Variants in MBP observed in about 807,000 individuals in gnomAD.
The protein encoded by MBP is myelin basic protein.
In MBP, 16 loss-of-function variants were observed where a neutral mutation model predicts 35.8. The observed-to-expected ratio is 0.45, with a 90% CI of 0.30 to 0.68. The LOEUF is 0.68. Among genes scored for constraint, MBP ranks in the 30% least tolerant of loss-of-function variants. MBP has a pLI of 0.08. For missense variants in MBP, 380 were observed against 404.7 expected, an observed-to-expected ratio of 0.94 and a Z score of 0.52; for synonymous variants, 143 against 159.6, an observed-to-expected ratio of 0.90 and a Z score of 0.78.
chr18:77,113,225 A>C (rs960082016), intron 1 of MBP: 1 of 152,344 alleles, frequency 6.6e-6, no homozygotes, highest in African/African-American at 2.4e-5. Flanking sequence ...AGAGGCATGC[A>C]GCACTGTGCC....
At chr18:77,132,346 C>T (rs1977311921) in intron 1 of MBP, among the ~76,000 whole-genome samples, 2 of 152,120 alleles carry the variant, frequency 1.3e-5, no homozygotes, top group African/African-American at 2.4e-5. Context: ...AGGGAGGCCG[C>T]CGGCTGCTAC....
intron 1 of MBP, 41 bp downstream of exon 1, chr18:77,132,539 A>T (rs925845064): frequency 6.6e-6 from 1 of 152,024 alleles, no homozygotes; most frequent in Non-Finnish European, 1.5e-5. Flanking sequence ...CACAGAGACA[A>T]AGGCGGCAGA....
chr18:77,131,909 C>G lies in MBP; in HGVS notation c.-26+671G>C, dbSNP rs1266795812. ...CAGCGACGGGCCCGGCCGAAGAGCC[C>G]GAGACAGGCCCTGCGAAGGCGGAAG... On this transcript the variant is annotated intron_variant, in intron 1 of 8. Transcript: ENST00000355994. The surrounding 1 kb of genome is among the most constrained non-coding windows in gnomAD (Gnocchi z 5.5). Among the ~76,000 whole-genome samples, 1 of 152,060 alleles carries G rather than the reference C, an allele frequency of 6.6e-6. No individual in the cohort carries two copies. Among genetic ancestry groups the G allele is most frequent in the Non-Finnish European group, 1.5e-5 (1 of 67,974 alleles).
intron 1 of MBP, among the ~76,000 whole-genome samples, chr18:77,120,698 T>C (rs1048530078): frequency 6.6e-6 from 1 of 152,154 alleles, no homozygotes; most frequent in Non-Finnish European, 1.5e-5. Flanking sequence ...GGGGAAATAT[T>C]GGGATTCGGA....
At chr18:77,091,426 C>T (rs1327198530) in intron 2 of MBP, among the ~76,000 whole-genome samples, 1 of 152,090 alleles carries the variant, frequency 6.6e-6, no homozygotes, top group Non-Finnish European at 1.5e-5. Flanking sequence ...ATGATAATTA[C>T]ATTTTAAAAT....
intron 3 of MBP, among the ~76,000 whole-genome samples, chr18:77,041,873 AC>A (rs1417411076): frequency 6.6e-6 from 1 of 151,802 alleles, no homozygotes; most frequent in Admixed American, 6.6e-5. Flanking sequence ...GCACATGTAT[AC>A]ATATGTAACA....
At chr18:77,100,539 G>GT (rs1187310009) in intron 2 of MBP, among the ~76,000 whole-genome samples, 4,529 of 64,090 alleles carry the variant, frequency 0.071, 169 homozygotes, top group South Asian at 0.21. Context: ...GTGTGTGTGT[G>GT]TGTGTGTTTT....
intron 1 of MBP, among the ~76,000 whole-genome samples, chr18:77,130,352 GC>G (rs930268852): frequency 2.0e-5 from 3 of 150,780 alleles, no homozygotes; most frequent in Non-Finnish European, 4.4e-5. Context: ...CTTCTTGTGT[GC>G]CCTTAGAGTA....
At chr18:77,118,851 CCA>C (rs923361250) in intron 1 of MBP, among the ~76,000 whole-genome samples, 6 of 151,138 alleles carry the variant, frequency 4.0e-5, no homozygotes, top group South Asian at 2.1e-4. Flanking sequence ...CAGACACACA[CCA>C]CACACACACT....
intron 7 of MBP, chr18:76,986,870 T>C (rs1448870622): frequency 6.1e-6 from 6 of 985,322 alleles, no homozygotes; most frequent in Non-Finnish European, 7.2e-6. Flanking sequence ...TTTCCAATCC[T>C]TAGTCATGTT....
rs866845263 is a variant in MBP, at chr18:76,993,574, G to T, written c.577-3514C>A. Among the ~76,000 whole-genome samples the T allele has an allele frequency of 2.8e-5, 4 of 144,598 alleles. No homozygotes were observed. In the East Asian group the frequency reaches 6.2e-4, roughly 22 times the overall value. 94.9% of individuals were successfully genotyped at this position (144,598 alleles called of 152,430 possible). On this transcript the variant is annotated intron_variant, in intron 4 of 8. Transcript: ENST00000355994. ...CCAAAAAAAAAAAAAAAAAACAAAA[G>T]ATCCCATTTTATCCCTTGGATTTCT... is the stretch of plus-strand genomic sequence containing the variant.
At chr18:77,098,340 A>G (rs1975854965) in intron 2 of MBP, among the ~76,000 whole-genome samples, 3 of 152,078 alleles carry the variant, frequency 2.0e-5, no homozygotes, top group South Asian at 4.1e-4. Flanking sequence ...ACAGAGAGAG[A>G]AAGTAACTTG....
intron 1 of MBP, among the ~76,000 whole-genome samples, chr18:77,122,096 T>C (rs1449980316): frequency 2.0e-5 from 3 of 152,214 alleles, no homozygotes; most frequent in Non-Finnish European, 2.9e-5. Flanking sequence ...GCTCTTGCTG[T>C]GTATCAGTTG....
At chr18:77,004,277 TC>T (rs3838890) in intron 4 of MBP, 41,324 of 149,978 alleles carry the variant, frequency 0.28, 7,070 homozygotes, top group Admixed American at 0.41. Flanking sequence ...TATATATGTG[TC>T]CCCCCCCACT....
chr18:77,035,210 C>A (rs1972710133), intron 3 of MBP, among the ~76,000 whole-genome samples: 1 of 152,216 alleles, frequency 6.6e-6, no homozygotes. Context: ...CATACTCATT[C>A]TAAGCTGGTG....
intron 3 of MBP, among the ~76,000 whole-genome samples, chr18:77,055,381 AAGCCC>A (rs1234545779): frequency 4.6e-5 from 7 of 152,180 alleles, no homozygotes; most frequent in Non-Finnish European, 1.5e-5. Flanking sequence ...CACATCCTCA[AAGCCC>A]AACCCCTGAC....
intron 4 of MBP, chr18:77,013,483 T>A (rs1190081011): frequency 1.0e-6 from 1 of 985,230 alleles, no homozygotes; most frequent in Non-Finnish European, 1.2e-6. Flanking sequence ...ATATGTTTAA[T>A]GAAATTAAAA....
chr18:77,034,254 G>A (rs1302955530), intron 3 of MBP, among the ~76,000 whole-genome samples: 2 of 151,996 alleles, frequency 1.3e-5, no homozygotes, highest in Admixed American at 6.6e-5. Flanking sequence ...ACCTGAGAGT[G>A]ACTCCTGCCA....
intron 2 of MBP, among the ~76,000 whole-genome samples, chr18:77,088,632 G>T (rs1284495373): frequency 6.8e-6 from 1 of 147,114 alleles, no homozygotes; most frequent in East Asian, 2.0e-4. Flanking sequence ...TTATTAAACA[G>T]TTTTTTTGTG....
Sources: gnomAD v4.1 joint callset for allele counts (sites outside exome capture counted in the v4.1 genomes callset) on GRCh38, gnomAD v4.1.1 for gene constraint, Gnocchi (gnomAD v3.1) non-coding constraint, MANE v1.5 for transcripts, NCBI Gene and HGNC (gene_info 2026-07-23, HGNC 2026-07-21) for gene names.